PCDH1: variants seen among roughly 807,000 people sequenced by gnomAD.
PCDH1 encodes the protein protocadherin-1.
Under a neutral mutation model 74.6 loss-of-function variants are expected in PCDH1, and 23 were observed. That is an observed-to-expected ratio of 0.31 (90% CI 0.22 to 0.44). The LOEUF is 0.44. Among genes scored for constraint, PCDH1 ranks in the 20% least tolerant of loss-of-function variants. PCDH1 has a pLI of 1.00. For synonymous variants in PCDH1, 647 were observed against 686.1 expected (o/e 0.94, Z 0.89); for missense variants, 1,214 against 1,641.4 (o/e 0.74, Z 4.50).
At position 141,853,716 on chromosome 5, in the gene PCDH1, C is replaced by T; in HGVS notation, c.*326G>A. 3.8e-6 allele frequency: 1 copy of T among 265,552 alleles called. No homozygotes were observed. Among genetic ancestry groups the T allele is most frequent in the Non-Finnish European group, 7.1e-6 (1 of 140,330 alleles). 16.4% of individuals were successfully genotyped at this position (265,552 alleles called of 1,614,324 possible). On this transcript the variant is annotated 3_prime_UTR_variant, in exon 5 of 5. Coordinates refer to ENST00000287008, the MANE Select transcript of PCDH1 (RefSeq NM_032420.5). ...TTAGAAGTACGCTGCCCACCCTTGA[C>T]TCCACCATCTGCCCAAATCGAGGGG...
At chr5:141,856,551 G>A (rs537790553) in intron 4 of PCDH1, among the ~76,000 whole-genome samples, 1 of 152,170 alleles carries the variant, frequency 6.6e-6, no homozygotes, top group African/African-American at 2.4e-5. Context: ...TGCCATGGAC[G>A]ACTTCACACA....
chr5:141,856,645 T>C (rs1057027469), intron 4 of PCDH1, among the ~76,000 whole-genome samples: 7 of 152,104 alleles, frequency 4.6e-5, no homozygotes, highest in African/African-American at 1.7e-4. Flanking sequence ...ACCTCCTTTT[T>C]GCCATCACCC....
chr5:141,854,474 A>G, intron 4 of PCDH1, 38 bp from the exon 5 acceptor site: 1 of 1,561,738 alleles, frequency 6.4e-7, no homozygotes, highest in Non-Finnish European at 8.7e-7. Flanking sequence ...TGTCAGACAT[A>G]CAGCCTCTGC....
At chr5:141,874,071 A>G (rs1753161071) in intron 1 of PCDH1, among the ~76,000 whole-genome samples, 1 of 152,180 alleles carries the variant, frequency 6.6e-6, no homozygotes, top group South Asian at 2.1e-4. Flanking sequence ...CTAGAATCTG[A>G]TTCCTGTTAT....
intron 3 of PCDH1, chr5:141,862,975 C>A (rs979159325): frequency 1.3e-5 from 16 of 1,250,594 alleles, no homozygotes; most frequent in Non-Finnish European, 1.6e-5. Context: ...AGGGACTTGG[C>A]AAATCACAGG....
At position 141,869,230 on chromosome 5, in the gene PCDH1, T is replaced by C. The variant is rs1753009525; in HGVS notation, c.242A>G (p.Tyr81Cys). The C allele has an allele frequency of 3.1e-6, 5 of 1,613,726 alleles. No individual in the cohort carries two copies. The highest frequency in any genetic ancestry group is 4.2e-6 in the Non-Finnish European group (5 of 1,179,894). Residue 81 changes from tyrosine (Y) to cysteine (C), a missense_variant, in exon 2 of 5, where the codon TAT becomes TGT. Around this residue, in one of 4 missense-constraint regions of PCDH1, gnomAD observed 97 missense variants for 173.2 expected, o/e 0.56. Transcript: ENST00000287008. The surrounding 1 kb of genome is among the most constrained non-coding windows in gnomAD (Gnocchi z 4.9). The stretch of plus-strand genomic sequence containing the variant: ...CAGGTGCCCCACATCTGGAAAACCA[T>C]AGTCGGCTGCGAGGCTCCCAATGAG... ...NTLIGSLAADYGFPDVGHLYK... is the reference protein window; with the variant it reads ...NTLIGSLAADCGFPDVGHLYK...
At chr5:141,866,930 T>C (rs935296064) in intron 2 of PCDH1, among the ~76,000 whole-genome samples, 1 of 152,204 alleles carries the variant, frequency 6.6e-6, no homozygotes, top group Non-Finnish European at 1.5e-5. Flanking sequence ...CCTCTCCTCC[T>C]TGGGAATGGG....
rs533047356 is a variant in PCDH1 at position 141,853,208 on chromosome 5, C to A, written c.*834G>T. ...CCACCCGTTGTTTCCCTGGCCTGCA[C>A]CCCCATCCCACCATGGCCCCAGGGG... is the stretch of plus-strand genomic sequence containing the variant. On this transcript the variant is annotated 3_prime_UTR_variant, in exon 5 of 5. Coordinates refer to ENST00000287008, the MANE Select transcript of PCDH1 (RefSeq NM_032420.5). The A allele has an allele frequency of 1.4e-5, 2 of 143,754 alleles. No individual in the cohort carries two copies. Among genetic ancestry groups the A allele is most frequent in the Non-Finnish European group, 3.0e-5 (2 of 65,616 alleles). The allele number at this position is 143,754 out of a possible 1,614,324, so 8.9% of individuals were successfully genotyped here.
chr5:141,868,888 C>A lies in PCDH1; in HGVS notation c.584G>T (p.Arg195Leu). ...TGCCACACCGTTGGGACCAGCATCA[C>A]GGTCTGAAGCCAGCGGGATGGGGAA... ...SLFPIPLASD[R>L]DAGPNGVASY... The change falls in exon 2 of 5, where the codon CGT becomes CTT. Residue 195 changes from arginine to leucine, a missense_variant. Coordinates refer to ENST00000287008, the MANE Select transcript of PCDH1 (RefSeq NM_032420.5). This position sits in a 1 kb window ranked among gnomAD's most constrained non-coding sequence, Gnocchi z 4.8. 1 of 1,614,226 alleles carries A rather than the reference C, an allele frequency of 6.2e-7. No individual in the cohort carries two copies. Among genetic ancestry groups the A allele is most frequent in the Non-Finnish European group, 8.5e-7 (1 of 1,180,050 alleles).
chr5:141,873,010 T>G (rs1753130668), intron 1 of PCDH1, among the ~76,000 whole-genome samples: 1 of 152,152 alleles, frequency 6.6e-6, no homozygotes, highest in Non-Finnish European at 1.5e-5. Context: ...CTTAGGAATC[T>G]TTATTCAGGA....
In PCDH1 at chr5:141,869,688, TG is replaced by T; in HGVS notation, c.41-258del. On this transcript the variant is annotated intron_variant, in intron 1 of 4. Coordinates refer to ENST00000287008, the MANE Select transcript of PCDH1 (RefSeq NM_032420.5). The surrounding 1 kb of genome is among the most constrained non-coding windows in gnomAD (Gnocchi z 4.9). ...GCATGCCTAGAGCAGCTCCCGCCCA[TG>T]GAACACCCTCACCCACCTGACGCTC... 1 of 1,515,600 alleles carries T rather than the reference TG, an allele frequency of 6.6e-7. No individual in the cohort carries two copies. The highest frequency in any genetic ancestry group is 8.8e-7 in the Non-Finnish European group (1 of 1,134,474). The allele number at this position is 1,515,600 out of a possible 1,614,324, so 93.9% of individuals were successfully genotyped here. A position where few individuals can be genotyped will look rare whatever the true frequency, so the allele number is the denominator to read the frequency against.
At chr5:141,870,311 T>C (rs569640759) in intron 1 of PCDH1, among the ~76,000 whole-genome samples, 2 of 152,226 alleles carry the variant, frequency 1.3e-5, no homozygotes, top group African/African-American at 4.8e-5. Flanking sequence ...CACAGGAACA[T>C]GCACAGTTGC....
chr5:141,878,370 C>T lies in PCDH1; in HGVS notation c.-108G>A. 1.2e-6 allele frequency: 1 copy of T among 851,846 alleles called. No individual in the cohort carries two copies. Among genetic ancestry groups the T allele is most frequent in the Non-Finnish European group, 1.5e-6 (1 of 664,146 alleles). The allele number at this position is 851,846 out of a possible 1,614,324, so 52.8% of individuals were successfully genotyped here. A position where few individuals can be genotyped will look rare whatever the true frequency, so the allele number is the denominator to read the frequency against. ...GCTGGCTCTGGGCGCAGCAGCCCGG[C>T]GGCTTTGCGTCCGCGCCGCGCTCCC... On this transcript the variant is annotated 5_prime_UTR_variant, in exon 1 of 5. Coordinates refer to ENST00000287008, the MANE Select transcript of PCDH1 (RefSeq NM_032420.5). The surrounding 1 kb of genome is among the most constrained non-coding windows in gnomAD (Gnocchi z 5.5).
At chr5:141,871,895 T>C (rs1043840992) in intron 1 of PCDH1, among the ~76,000 whole-genome samples, 1 of 152,202 alleles carries the variant, frequency 6.6e-6, no homozygotes, top group African/African-American at 2.4e-5. Flanking sequence ...CACTAAGAAC[T>C]TCCTGGGGTA....
At position 141,865,239 on chromosome 5, in the gene PCDH1, G is replaced by A; in HGVS notation, c.1092C>T (p.Thr364=). The change falls in exon 3 of 5, where the codon ACC becomes ACT. Residue 364 remains threonine, a synonymous_variant. Coordinates refer to ENST00000287008, the MANE Select transcript of PCDH1 (RefSeq NM_032420.5). The surrounding 1 kb of genome is among the most constrained non-coding windows in gnomAD (Gnocchi z 4.4). ...CCTGGGCACGGGCACTCTTGGGGTTGGTGCCTCGGTCCTTAGCAAGCACTG... is the reference window on the plus strand; with the variant it reads ...CCTGGGCACGGGCACTCTTGGGGTTAGTGCCTCGGTCCTTAGCAAGCACTG... ...RFSVLAKDRG[T]NPKSARAQVV... is the part of the protein sequence containing the mutation. The A allele has an allele frequency of 6.2e-7, 1 of 1,614,138 alleles. No homozygotes were observed. Among genetic ancestry groups the A allele is most frequent in the Admixed American group, 1.7e-5 (1 of 60,020 alleles).
Position 141,858,545 on chromosome 5 carries a change from T to A in PCDH1, c.3100-1074A>T, listed in dbSNP as rs568157261. On this transcript the variant is annotated intron_variant, in intron 3 of 4. Coordinates refer to ENST00000287008, the MANE Select transcript of PCDH1 (RefSeq NM_032420.5). Reference sequence around the variant, plus strand: ...TCGGGGGAGTGGAACCGTGACAGGCTGCTCCCAGCCAGCAGCCCTGTATGC... The same window carrying A: ...TCGGGGGAGTGGAACCGTGACAGGCAGCTCCCAGCCAGCAGCCCTGTATGC... Among the ~76,000 whole-genome samples the A allele has an allele frequency of 1.6e-4, 24 of 152,246 alleles. No homozygotes were observed. The South Asian group carries it at 5.0e-3, about 32-fold the overall frequency.
chr5:141,872,418 G>C (rs1012623067), intron 1 of PCDH1, among the ~76,000 whole-genome samples: 1 of 152,188 alleles, frequency 6.6e-6, no homozygotes, highest in South Asian at 2.1e-4. Context: ...TCCAGATCGA[G>C]GATACTTAAG....
In PCDH1 at chr5:141,877,112, C is replaced by T. The variant is rs113868368; in HGVS notation, c.40+1111G>A. Reference sequence around the variant, plus strand: ...GCGCTTGGGGCTCGCCGAACGACCCCGGCGGCTTCTCCTGCCTGAATCTGG... The same window carrying T: ...GCGCTTGGGGCTCGCCGAACGACCCTGGCGGCTTCTCCTGCCTGAATCTGG... On this transcript the variant is annotated intron_variant, in intron 1 of 4. Coordinates refer to ENST00000287008, the MANE Select transcript of PCDH1 (RefSeq NM_032420.5). 6.3e-3 allele frequency among the ~76,000 whole-genome samples: 955 copies of T among 152,348 alleles called. 9 individuals are homozygous for T. Among genetic ancestry groups the T allele is most frequent in the Non-Finnish European group, 9.9e-3 (675 of 68,042 alleles).
At chr5:141,866,389 C>A (rs1245523093) in intron 2 of PCDH1, among the ~76,000 whole-genome samples, 1 of 152,222 alleles carries the variant, frequency 6.6e-6, no homozygotes, top group East Asian at 1.9e-4. Flanking sequence ...CACGCCAACT[C>A]CAACGCGCAC....
Sources: gnomAD v4.1 joint callset for allele counts (sites outside exome capture counted in the v4.1 genomes callset) on GRCh38, gnomAD v4.1.1 for gene constraint, gnomAD v4.1.1 regional missense constraint, Gnocchi (gnomAD v3.1) non-coding constraint, MANE v1.5 for transcripts, NCBI Gene and HGNC (gene_info 2026-07-23, HGNC 2026-07-21) for gene names.